The following ATP9B variants were observed in gnomAD, a reference collection of about 807,000 sequenced individuals.
The protein encoded by ATP9B is probable phospholipid-transporting ATPase IIB.
A neutral mutation model predicts 146.1 loss-of-function variants in ATP9B; 110 were observed. The ratio of observed to expected loss-of-function variants is 0.75; its 90% CI spans 0.65 to 0.88. The LOEUF (loss-of-function observed/expected upper bound fraction) is 0.88. ATP9B is among the 40% of genes least tolerant of loss of function. The pLI, the probability that ATP9B is intolerant of heterozygous loss-of-function variation, is 0.00. For synonymous variants in ATP9B, 604 were observed against 569.7 expected, an observed-to-expected ratio of 1.06 and a Z score of -0.86; for missense variants, 1,499 against 1,496.4, an observed-to-expected ratio of 1.00 and a Z score of -0.03.
intron 10 of ATP9B, among the ~76,000 whole-genome samples, chr18:79,212,538 T>C (rs1457174753): frequency 6.6e-6 from 1 of 152,212 alleles, no homozygotes; most frequent in Non-Finnish European, 1.5e-5. Context: ...CAGTTTGCCT[T>C]CTTACATCAT....
At chr18:79,310,180 G>T (rs773172865) in intron 15 of ATP9B, among the ~76,000 whole-genome samples, 1 of 152,192 alleles carries the variant, frequency 6.6e-6, no homozygotes, top group Non-Finnish European at 1.5e-5. Flanking sequence ...TCAAGTCCTT[G>T]CTGTGGAAGG....
intron 6 of ATP9B, among the ~76,000 whole-genome samples, chr18:79,148,407 C>A (rs1599909680): frequency 6.6e-6 from 1 of 152,244 alleles, no homozygotes; most frequent in Admixed American, 6.5e-5. Context: ...ACATCACAAC[C>A]CAGTACAGGT....
chr18:79,153,728 G>C (rs905336052), intron 6 of ATP9B, among the ~76,000 whole-genome samples: 2 of 148,044 alleles, frequency 1.4e-5, no homozygotes, highest in Non-Finnish European at 3.0e-5. Context: ...ATGGCTCACT[G>C]CTGCCTTGAC....
chr18:79,096,707 C>A, intron 2 of ATP9B, 58 bp downstream of exon 2: 1 of 1,365,176 alleles, frequency 7.3e-7, no homozygotes, highest in South Asian at 1.4e-5. Flanking sequence ...ATAAGGTTAG[C>A]TTCTAATATA....
At chr18:79,108,880 A>G (rs1224991140) in intron 2 of ATP9B, among the ~76,000 whole-genome samples, 1 of 152,210 alleles carries the variant, frequency 6.6e-6, no homozygotes, top group South Asian at 2.1e-4. Context: ...TATGAAGTTT[A>G]CTTCATATAT....
At chr18:79,260,625 G>A (rs982479321) in intron 12 of ATP9B, among the ~76,000 whole-genome samples, 1 of 152,218 alleles carries the variant, frequency 6.6e-6, no homozygotes, top group Non-Finnish European at 1.5e-5. Flanking sequence ...TTGACCTAAA[G>A]GAACAGAGAC....
intron 13 of ATP9B, among the ~76,000 whole-genome samples, chr18:79,291,194 C>T (rs1287804246): frequency 6.6e-6 from 1 of 151,802 alleles, no homozygotes; most frequent in Non-Finnish European, 1.5e-5. Context: ...AAATCAGAAA[C>T]CTTTTGTCAA....
At chr18:79,096,307 C>G (rs1300222472) in intron 1 of ATP9B, among the ~76,000 whole-genome samples, 169 bp from the exon 2 acceptor site, 1 of 152,136 alleles carries the variant, frequency 6.6e-6, no homozygotes, top group African/African-American at 2.4e-5. Context: ...AGCTTTTTTA[C>G]CTTAGCTAAC....
chr18:79,174,952 G>A (rs2095138521), intron 7 of ATP9B, among the ~76,000 whole-genome samples: 1 of 152,056 alleles, frequency 6.6e-6, no homozygotes, highest in Admixed American at 6.5e-5. Context: ...TGTAATCCCA[G>A]CACTTTGGGA....
At chr18:79,241,899 A>T (rs1453546747) in intron 11 of ATP9B, among the ~76,000 whole-genome samples, 1 of 152,174 alleles carries the variant, frequency 6.6e-6, no homozygotes, top group Non-Finnish European at 1.5e-5. Context: ...TCTGGCACAG[A>T]TTCAAGGGCT....
chr18:79,230,816 C>T (rs1390613000), intron 11 of ATP9B, among the ~76,000 whole-genome samples: 1 of 152,026 alleles, frequency 6.6e-6, no homozygotes, highest in African/African-American at 2.4e-5. Flanking sequence ...TAAAAACAGG[C>T]ATATAGACCA....
chr18:79,247,066 T>C (rs1407426072), intron 11 of ATP9B, among the ~76,000 whole-genome samples: 3 of 152,246 alleles, frequency 2.0e-5, no homozygotes, highest in Non-Finnish European at 1.5e-5. Context: ...AAATATGGCT[T>C]TGATGTATCA....
chr18:79,195,644 G>A (rs1332542896), intron 9 of ATP9B, among the ~76,000 whole-genome samples: 2 of 152,140 alleles, frequency 1.3e-5, no homozygotes, highest in African/African-American at 4.8e-5. Flanking sequence ...AAGAATGTAA[G>A]AATAAAAGCT....
chr18:79,143,680 A>T, intron 5 of ATP9B, 122 bp from the exon 6 acceptor site: 1 of 573,140 alleles, frequency 1.7e-6, no homozygotes, highest in Non-Finnish European at 3.0e-6. Flanking sequence ...GTACAAGTAT[A>T]GGGAAATTTC....
intron 26 of ATP9B, chr18:79,359,716 C>G: frequency 4.5e-6 from 2 of 441,368 alleles, no homozygotes; most frequent in Non-Finnish European, 4.2e-6. Flanking sequence ...ATCATACATA[C>G]AATTAGAATT....
intron 23 of ATP9B, among the ~76,000 whole-genome samples, chr18:79,346,334 T>C (rs566987822): frequency 6.7e-6 from 1 of 149,286 alleles, no homozygotes; most frequent in South Asian, 2.1e-4. Flanking sequence ...CTACACATGC[T>C]CAGCACACGG....
chr18:79,307,390 C>T (rs1568633682), intron 15 of ATP9B, 156 bp downstream of exon 15: 1 of 1,110,458 alleles, frequency 9.0e-7, no homozygotes, highest in East Asian at 2.6e-5. Flanking sequence ...CCAACCTATT[C>T]CAGCATGTAG....
intron 11 of ATP9B, among the ~76,000 whole-genome samples, chr18:79,230,553 C>G (rs904854917): frequency 6.6e-6 from 1 of 152,080 alleles, no homozygotes; most frequent in African/African-American, 2.4e-5. Context: ...CTACAAAATA[C>G]TGCTGAAAGA....
intron 7 of ATP9B, among the ~76,000 whole-genome samples, chr18:79,175,305 T>G (rs1462177817): frequency 6.6e-6 from 1 of 152,188 alleles, no homozygotes; most frequent in Non-Finnish European, 1.5e-5. Context: ...TATACGCTGC[T>G]TTTTATTTTT....
Sources: allele counts gnomAD v4.1 joint callset (sites outside exome capture counted in the v4.1 genomes callset), GRCh38; gene constraint gnomAD v4.1.1; transcripts MANE v1.5; gene names NCBI Gene and HGNC (gene_info 2026-07-23, HGNC 2026-07-21).